TENM2: variants seen among roughly 807,000 people sequenced by gnomAD.
TENM2 encodes the protein teneurin transmembrane protein 2.
A neutral mutation model predicts 245.2 loss-of-function variants in TENM2; 52 were observed. That is an observed-to-expected ratio of 0.21 (90% CI 0.17 to 0.27). The LOEUF (loss-of-function observed/expected upper bound fraction) is 0.27, where lower values mean the gene tolerates loss of function less well. TENM2 is among the 10% of genes least tolerant of loss of function. The pLI, the probability that TENM2 is intolerant of heterozygous loss-of-function variation, is 1.00. For synonymous variants in TENM2, 1,363 were observed against 1,438.9 expected (o/e 0.95, Z 1.19); for missense variants, 3,046 against 3,666.8 (o/e 0.83, Z 4.37).
intron 2 of TENM2, among the ~76,000 whole-genome samples, chr5:167,390,808 C>T (rs1489538279): frequency 6.6e-6 from 1 of 152,148 alleles, no homozygotes; most frequent in African/African-American, 2.4e-5. Flanking sequence ...CACTGATACA[C>T]ATTTATGGCT....
chr5:167,837,031 C>CTA (rs1474601731), intron 2 of TENM2, among the ~76,000 whole-genome samples: 1 of 151,304 alleles, frequency 6.6e-6, no homozygotes, highest in African/African-American at 2.4e-5. Context: ...AGAAAATTTC[C>CTA]TATAATTCCA....
chr5:167,052,062 T>A, the TENM2 span, among the ~76,000 whole-genome samples: 2 of 152,188 alleles, frequency 1.3e-5, no homozygotes, highest in African/African-American at 4.8e-5. Context: ...GGTAAAGCCA[T>A]TCATGTCCTC....
At chr5:168,025,179 G>T (rs1461029347) in intron 5 of TENM2, among the ~76,000 whole-genome samples, 1 of 152,206 alleles carries the variant, frequency 6.6e-6, no homozygotes, top group Non-Finnish European at 1.5e-5. Context: ...CAAAAAAAAT[G>T]TATTGGGAGG....
At chr5:167,829,599 A>G (rs1037417171) in intron 2 of TENM2, among the ~76,000 whole-genome samples, 2 of 152,218 alleles carry the variant, frequency 1.3e-5, no homozygotes, top group Non-Finnish European at 2.9e-5. Context: ...AATATTTATT[A>G]GGCAATTATA....
At chr5:168,006,224 G>C (rs1180223315) in intron 5 of TENM2, among the ~76,000 whole-genome samples, 1 of 152,150 alleles carries the variant, frequency 6.6e-6, no homozygotes, top group Non-Finnish European at 1.5e-5. Flanking sequence ...CCAAAGAAAA[G>C]AGCATGTTGT....
At chr5:167,563,502 A>G (rs972462341) in intron 2 of TENM2, among the ~76,000 whole-genome samples, 2 of 152,162 alleles carry the variant, frequency 1.3e-5, no homozygotes, top group African/African-American at 4.8e-5. Context: ...AGTTGCACCA[A>G]CTGTGTGTCC....
At chr5:167,304,266 C>T (rs1755533188) in intron 1 of TENM2, among the ~76,000 whole-genome samples, 1 of 152,208 alleles carries the variant, frequency 6.6e-6, no homozygotes, top group Non-Finnish European at 1.5e-5. Context: ...TGATTAGGCA[C>T]CCACAACGGC....
intron 2 of TENM2, among the ~76,000 whole-genome samples, chr5:167,584,603 C>T (rs2127690371): frequency 6.6e-6 from 1 of 152,152 alleles, no homozygotes; most frequent in Non-Finnish European, 1.5e-5. Context: ...TTTTCCTTTT[C>T]ATTCAGTTCT....
chr5:167,476,673 A>T (rs1767403959), intron 2 of TENM2, among the ~76,000 whole-genome samples: 1 of 152,130 alleles, frequency 6.6e-6, no homozygotes, highest in African/African-American at 2.4e-5. Context: ...GTCTTGGCTC[A>T]CTGCAACCTC....
At chr5:167,919,910 A>G (rs1777221533) in intron 3 of TENM2, among the ~76,000 whole-genome samples, 1 of 152,202 alleles carries the variant, frequency 6.6e-6, no homozygotes, top group Non-Finnish European at 1.5e-5. Context: ...GTGTGTGGCC[A>G]CTAGAAATGG....
Position 168,094,253 on chromosome 5 carries a change from G to A in TENM2, c.1711+3484G>A, listed in dbSNP as rs546248816. The stretch of plus-strand genomic sequence containing the variant: ...CACAATGGTAAATACCTCAAGTGAA[G>A]CCCTCCAGCCAAGCAAAGAGACTGT... On this transcript the variant is annotated intron_variant, in intron 8 of 28. Transcript: ENST00000518659. 7.2e-5 allele frequency among the ~76,000 whole-genome samples: 11 copies of A among 152,234 alleles called. No individual in the cohort carries two copies. The East Asian group carries it at 1.2e-3, about 16-fold the overall frequency.
intron 1 of TENM2, among the ~76,000 whole-genome samples, chr5:167,304,818 T>C (rs995758598): frequency 5.3e-5 from 8 of 152,198 alleles, no homozygotes; most frequent in African/African-American, 1.2e-4. Context: ...GCAAACCTGA[T>C]ACTGTTTTTC....
In TENM2 at chr5:167,876,208, C is replaced by T. The variant is rs1442582751; in HGVS notation, c.712+13C>T. On this transcript the variant is annotated intron_variant, in intron 3 of 28. Coordinates refer to ENST00000518659, the Ensembl canonical transcript of TENM2. ...GCCTCCAGCAGTGGTAAGGAAACTC[C>T]GTGGTGTCTGAATGTGTGGTGTTTC... is the stretch of plus-strand genomic sequence containing the variant. 5.2e-6 allele frequency: 8 copies of T among 1,542,332 alleles called. No homozygotes were observed. The highest frequency in any genetic ancestry group is 1.7e-4 in the Middle Eastern group (1 of 5,990).
At chr5:168,015,941 A>G (rs1359877882) in intron 5 of TENM2, among the ~76,000 whole-genome samples, 1 of 152,216 alleles carries the variant, frequency 6.6e-6, no homozygotes, top group Non-Finnish European at 1.5e-5. Context: ...AGAAAGTTTC[A>G]GTAACTTGCC....
At chr5:167,589,885 TA>T (rs761463965) in intron 2 of TENM2, among the ~76,000 whole-genome samples, 13 of 151,490 alleles carry the variant, frequency 8.6e-5, no homozygotes, top group Non-Finnish European at 1.6e-4. Flanking sequence ...ATAATATATT[TA>T]TTTAAAAGAA....
chr5:168,011,330 C>T (rs1785205666), intron 5 of TENM2, among the ~76,000 whole-genome samples: 1 of 152,182 alleles, frequency 6.6e-6, no homozygotes, highest in Non-Finnish European at 1.5e-5. Flanking sequence ...CACATCAGCC[C>T]TGAGAACATT....
intron 25 of TENM2, 89 bp downstream of exon 27, chr5:168,228,219 G>C: frequency 9.3e-7 from 1 of 1,069,596 alleles, no homozygotes; most frequent in South Asian, 1.4e-5. Context: ...TGTTACCACA[G>C]AGTGGGAGGG....
At chr5:167,933,297 A>G (rs1308870815) in intron 3 of TENM2, among the ~76,000 whole-genome samples, 10 of 152,224 alleles carry the variant, frequency 6.6e-5, no homozygotes, top group Non-Finnish European at 1.5e-4. Flanking sequence ...GTTTTTTTAA[A>G]CAAAAACTTC....
At chr5:167,976,183 C>T (rs1562006796) in intron 4 of TENM2, among the ~76,000 whole-genome samples, 1 of 152,084 alleles carries the variant, frequency 6.6e-6, no homozygotes, top group African/African-American at 2.4e-5. Context: ...GCATCTTGAG[C>T]ACCTATGAAA....
Sources: allele counts gnomAD v4.1 joint callset (sites outside exome capture counted in the v4.1 genomes callset), GRCh38; gene constraint gnomAD v4.1.1; transcripts MANE v1.5; gene names NCBI Gene and HGNC (gene_info 2026-07-23, HGNC 2026-07-21).